RIC8B: variants seen among roughly 807,000 people sequenced by gnomAD.
RIC8B encodes the protein chaperone Ric-8B.
Under a neutral mutation model 57.5 loss-of-function variants are expected in RIC8B, and 16 were observed. The observed-to-expected ratio is 0.28, with a 90% CI of 0.19 to 0.42. The LOEUF (loss-of-function observed/expected upper bound fraction) is 0.42. Ranked by LOEUF, RIC8B falls within the 10% of genes least tolerant of loss-of-function variation. The probability of loss-of-function intolerance (pLI) is 1.00; values close to 1 mark genes in which losing one functional copy is unlikely to be tolerated. For synonymous variants in RIC8B, 216 were observed against 250.8 expected, an observed-to-expected ratio of 0.86 and a Z score of 1.31; for missense variants, 481 against 677.0, an observed-to-expected ratio of 0.71 and a Z score of 3.21.
At chr12:106,823,461 T>C (rs946643478) in intron 3 of RIC8B, 1 of 455,988 alleles carries the variant, frequency 2.2e-6, no homozygotes, top group Middle Eastern at 3.3e-4. Context: ...AAAAGTAGAA[T>C]TTTGGTTTGC....
intron 4 of RIC8B, among the ~76,000 whole-genome samples, chr12:106,838,150 G>A (rs1314037051): frequency 6.6e-6 from 1 of 151,964 alleles, no homozygotes; most frequent in Non-Finnish European, 1.5e-5. Context: ...TTGACCAAAA[G>A]AACAAAAGAA....
At position 106,842,605 on chromosome 12, in the gene RIC8B, T is replaced by C; in HGVS notation, c.853T>C (p.Leu285=). 6.2e-7 allele frequency: 1 copy of C among 1,613,728 alleles called. No homozygotes were observed. Among genetic ancestry groups the C allele is most frequent in the African/African-American group, 1.3e-5 (1 of 75,044 alleles). ...GCTTTTCAGCAATGCAGTCAACCTT[T>C]TAAGCAATGTTCCAGTCTCTTGTTT... is the stretch of plus-strand genomic sequence containing the variant. ...EELHSNAVNL[L]SNVPVSCLDV... Residue 285 remains leucine, a synonymous_variant, in exon 5 of 10, where the codon TTA becomes CTA. Coordinates refer to ENST00000392837, the MANE Select transcript of RIC8B (RefSeq NM_001330145.2).
At chr12:106,843,773 C>T in intron 5 of RIC8B, 79 bp from the exon 6 acceptor site, 1 of 947,228 alleles carries the variant, frequency 1.1e-6, no homozygotes, top group Non-Finnish European at 1.6e-6. Flanking sequence ...AATTGATATC[C>T]TCAGTTACAT....
intron 2 of RIC8B, among the ~76,000 whole-genome samples, chr12:106,797,571 T>C (rs1593122737): frequency 1.3e-5 from 2 of 152,210 alleles, no homozygotes; most frequent in South Asian, 4.1e-4. Flanking sequence ...TAAAATTAGA[T>C]AATAAGGGTG....
At chr12:106,822,503 C>T (rs1423828208) in intron 3 of RIC8B, 2 of 152,216 alleles carry the variant, frequency 1.3e-5, no homozygotes, top group Non-Finnish European at 2.9e-5. Flanking sequence ...ATCCAAGTGT[C>T]ATCAGGAGTA....
Position 106,774,727 on chromosome 12 carries a change from C to G in RIC8B, c.-19C>G. On this transcript the variant is annotated 5_prime_UTR_variant, in exon 1 of 10. Transcript: ENST00000392837. ...GCTTGGGCGCGCAGAGCGGCCGCGG[C>G]TCCCCCGCACCTGCGGCCATGGATG... The G allele has an allele frequency of 1.3e-6, 2 of 1,542,454 alleles. No individual in the cohort carries two copies. The highest frequency in any genetic ancestry group is 1.8e-6 in the Non-Finnish European group (2 of 1,142,148).
chr12:106,874,654 G>C, intron 9 of RIC8B: 1 of 1,016,550 alleles, frequency 9.8e-7, no homozygotes, highest in Non-Finnish European at 1.5e-6. Context: ...CAATGTAAAA[G>C]TTAAAATTAC....
At chr12:106,788,560 G>A (rs926548930) in intron 2 of RIC8B, among the ~76,000 whole-genome samples, 7 of 152,172 alleles carry the variant, frequency 4.6e-5, no homozygotes, top group Non-Finnish European at 8.8e-5. Context: ...CTGAAATATA[G>A]GTGGAGGTTC....
At chr12:106,821,592 C>A (rs2045843644) in intron 3 of RIC8B, among the ~76,000 whole-genome samples, 1 of 151,988 alleles carries the variant, frequency 6.6e-6, no homozygotes, top group Non-Finnish European at 1.5e-5. Flanking sequence ...GCAAAGATTT[C>A]TAAAACAGGG....
At chr12:106,778,970 A>T (rs1305835922) in intron 1 of RIC8B, among the ~76,000 whole-genome samples, 1 of 148,802 alleles carries the variant, frequency 6.7e-6, no homozygotes, top group African/African-American at 2.5e-5. Context: ...CTGGAGTGCA[A>T]TGGCGCGATC....
chr12:106,863,384 CCTT>C (rs1178302825), intron 8 of RIC8B, among the ~76,000 whole-genome samples: 28 of 152,078 alleles, frequency 1.8e-4, no homozygotes, highest in Non-Finnish European at 5.9e-5. Flanking sequence ...AGGGGTGTTT[CCTT>C]CTTGACCATA....
chr12:106,873,009 G>A (rs1321838366), intron 9 of RIC8B: 22 of 985,144 alleles, frequency 2.2e-5, no homozygotes, highest in Non-Finnish European at 2.7e-5. Flanking sequence ...AAAGGTGCTA[G>A]GTCCTTCTCC....
chr12:106,815,569 C>A (rs755350414), intron 3 of RIC8B, among the ~76,000 whole-genome samples: 4 of 152,190 alleles, frequency 2.6e-5, no homozygotes, highest in Non-Finnish European at 5.9e-5. Context: ...TTGCATTATT[C>A]TCTCTTTTTA....
intron 3 of RIC8B, among the ~76,000 whole-genome samples, chr12:106,817,071 A>G (rs2045606203): frequency 6.6e-6 from 1 of 152,210 alleles, no homozygotes; most frequent in African/African-American, 2.4e-5. Context: ...CAACCCAGTT[A>G]GATAAGAATG....
intron 2 of RIC8B, among the ~76,000 whole-genome samples, chr12:106,785,741 C>A (rs953601999): frequency 6.7e-6 from 1 of 148,234 alleles, no homozygotes; most frequent in South Asian, 2.2e-4. Flanking sequence ...TCTTATCTAC[C>A]GAGTGAGAAT....
chr12:106,847,403 A>G (rs1344677316), intron 6 of RIC8B, among the ~76,000 whole-genome samples: 1 of 152,232 alleles, frequency 6.6e-6, no homozygotes, highest in Non-Finnish European at 1.5e-5. Context: ...GACATATACT[A>G]CATGAAATCA....
chr12:106,825,610 A>G (rs2046060410), intron 3 of RIC8B, 116 bp from the exon 4 acceptor site: 2 of 685,490 alleles, frequency 2.9e-6, no homozygotes. Flanking sequence ...TCTGCCATCT[A>G]AAATGTATGG....
intron 2 of RIC8B, 92 bp downstream of exon 2, chr12:106,784,136 T>A (rs1245404145): frequency 8.5e-7 from 1 of 1,173,884 alleles, no homozygotes; most frequent in Non-Finnish European, 1.2e-6. Flanking sequence ...ATCTGATGGT[T>A]ATTGATTGGT....
chr12:106,865,776 G>A (rs1267941085), intron 8 of RIC8B, among the ~76,000 whole-genome samples: 1 of 152,080 alleles, frequency 6.6e-6, no homozygotes, highest in Admixed American at 6.6e-5. Context: ...AATCAGACTA[G>A]TCAACTGTTC....
Sources: gnomAD v4.1 joint callset for allele counts (sites outside exome capture counted in the v4.1 genomes callset) on GRCh38, gnomAD v4.1.1 for gene constraint, MANE v1.5 for transcripts, NCBI Gene and HGNC (gene_info 2026-07-23, HGNC 2026-07-21) for gene names.